Variants in P2RX5 observed in about 807,000 individuals in gnomAD.
P2RX5 encodes purinergic receptor P2X 5, also known as P2X purinoceptor 5.
In P2RX5, 46 loss-of-function variants were observed where a neutral mutation model predicts 54.1. The observed-to-expected ratio is 0.85, with a 90% confidence interval of 0.67 to 1.09. The LOEUF (loss-of-function observed/expected upper bound fraction) is 1.09, where lower values mean the gene tolerates loss of function less well. Among genes scored for constraint, P2RX5 ranks in the 50% least tolerant of loss-of-function variants. The pLI is 0.00. For synonymous variants in P2RX5, 226 were observed against 226.4 expected (o/e 1.00, Z 0.02); for missense variants, 566 against 549.8 (o/e 1.03, Z -0.29).
intron 1 of P2RX5, among the ~76,000 whole-genome samples, chr17:3,693,079 C>T (rs2050661999): frequency 2.1e-5 from 2 of 93,564 alleles, no homozygotes; most frequent in South Asian, 6.4e-4. Context: ...AATAAAAAGC[C>T]AAATAATCCA....
In P2RX5 at chr17:3,673,431, G is replaced by C. The variant is rs576132800; in HGVS notation, c.*437C>G. 1.2e-5 allele frequency: 13 copies of C among 1,078,336 alleles called. No homozygotes were observed. The African/African-American group carries it at 2.1e-4, about 18-fold the overall frequency. The allele number at this position is 1,078,336 out of a possible 1,614,324, so 66.8% of individuals were successfully genotyped here. On this transcript the variant is annotated 3_prime_UTR_variant, in exon 12 of 12. Coordinates refer to ENST00000225328, the MANE Select transcript of P2RX5 (RefSeq NM_002561.4). The stretch of plus-strand genomic sequence containing the variant: ...GAGAGTATGCTCTGAGGGAAGCTGC[G>C]GCACTTGCAGAGGGGAGTGGGCTGG...
At chr17:3,674,215 G>A (rs2050047936) in intron 11 of P2RX5, among the ~76,000 whole-genome samples, 1 of 152,178 alleles carries the variant, frequency 6.6e-6, no homozygotes, top group African/African-American at 2.4e-5. Flanking sequence ...GGAGGCTCAG[G>A]CAGGGGAATG....
At chr17:3,715,057 T>TA in the P2RX5 span, 1 of 635,548 alleles carries the variant, frequency 1.6e-6, no homozygotes. Flanking sequence ...TTCTCATACT[T>TA]ACTACTCCCT....
chr17:3,708,057 C>CAAA, the P2RX5 span, among the ~76,000 whole-genome samples: 22 of 65,134 alleles, frequency 3.4e-4, no homozygotes, highest in African/African-American at 5.2e-4. Context: ...GACTCCGTCT[C>CAAA]AAAAAAAAAA....
intron 9 of P2RX5, 172 bp from the exon 10 acceptor site, chr17:3,682,150 G>A: frequency 3.0e-6 from 2 of 660,830 alleles, no homozygotes; most frequent in Non-Finnish European, 5.5e-6. Context: ...ACACCACAGA[G>A]CTGGTCCATG....
chr17:3,691,101 G>A, intron 2 of P2RX5, 74 bp from the exon 3 acceptor site: 1 of 1,111,392 alleles, frequency 9.0e-7, no homozygotes, highest in African/African-American at 1.5e-5. Context: ...AGCGTTACCT[G>A]AAAGAGGGCG....
the P2RX5 span, among the ~76,000 whole-genome samples, chr17:3,721,335 A>T: frequency 5.3e-5 from 7 of 132,234 alleles, no homozygotes; most frequent in Non-Finnish European, 1.1e-4. Context: ...GGAGTGGCTC[A>T]ATCATAGCTC....
At chr17:3,676,064 T>C (rs1046431095) in intron 11 of P2RX5, 28 of 985,482 alleles carry the variant, frequency 2.8e-5, no homozygotes, top group Non-Finnish European at 3.1e-5. Flanking sequence ...CCAAAGAGGA[T>C]GCTTCCAGGG....
At chr17:3,690,207 C>A (rs561057169) in intron 5 of P2RX5, 57 bp from the exon 6 acceptor site, 9 of 1,499,146 alleles carry the variant, frequency 6.0e-6, no homozygotes, top group South Asian at 2.3e-5. Flanking sequence ...GCCCCTCCCC[C>A]AGGCCTGGGC....
At chr17:3,706,483 G>A in the P2RX5 span, among the ~76,000 whole-genome samples, 2 of 152,170 alleles carry the variant, frequency 1.3e-5, no homozygotes, top group African/African-American at 4.8e-5. Flanking sequence ...AAGACTCCAG[G>A]TCTGTGCTGA....
At chr17:3,677,160 G>C (rs2050123405) in intron 11 of P2RX5, 1 of 985,292 alleles carries the variant, frequency 1.0e-6, no homozygotes, top group Non-Finnish European at 1.2e-6. Context: ...AAGACAGGTG[G>C]GGACGGAGGG....
At chr17:3,681,775 C>A (rs1171565227) in intron 10 of P2RX5, 121 bp downstream of exon 10, 4 of 742,616 alleles carry the variant, frequency 5.4e-6, no homozygotes, top group Non-Finnish European at 9.8e-6. Flanking sequence ...TTCTCCTCCC[C>A]GGGCCCTCCA....
chr17:3,699,926 GAAA>G (rs2050806440), upstream of P2RX5, among the ~76,000 whole-genome samples: 10 of 65,506 alleles, frequency 1.5e-4, no homozygotes, highest in Non-Finnish European at 2.5e-4. Flanking sequence ...AGGAAAGAAA[GAAA>G]GAAAGAAAGA....
At chr17:3,690,764 C>G in intron 3 of P2RX5, 84 bp from the exon 4 acceptor site, 2 of 1,398,078 alleles carry the variant, frequency 1.4e-6, no homozygotes, top group Non-Finnish European at 2.0e-6. Flanking sequence ...AATAGGGGTT[C>G]TTCTTCGGCC....
At chr17:3,696,156 G>A (rs2050755186), upstream of P2RX5, 2 of 701,856 alleles carry the variant, frequency 2.8e-6, no homozygotes, top group African/African-American at 3.8e-5. Flanking sequence ...GCTGCGGGGC[G>A]CGGGGGCGGG....
chr17:3,685,656 CTCCCAGCCTG>C (rs2050432540), intron 9 of P2RX5: 1 of 108,112 alleles, frequency 9.2e-6, no homozygotes, highest in Non-Finnish European at 2.2e-5. Flanking sequence ...CAGCGTCCCC[CTCCCAGCCTG>C]AGAACAGGAG....
At position 3,690,434 on chromosome 17, in the gene P2RX5, T is replaced by G. The variant is rs2050579700; in HGVS notation, c.526A>C (p.Arg176=). The G allele has an allele frequency of 1.2e-6, 2 of 1,610,496 alleles. No individual in the cohort carries two copies. Among genetic ancestry groups the G allele is most frequent in the Non-Finnish European group, 1.7e-6 (2 of 1,178,518 alleles). The change falls in exon 5 of 12, where the codon AGG becomes CGG. Residue 176 remains arginine (R), a synonymous_variant. Transcript: ENST00000225328. Reference sequence around the variant, plus strand: ...GAGGCTGCAGCCACTCACTCCGGCCTGGAGCTTGTCTCCAACGGGCACCAG... The same window carrying G: ...GAGGCTGCAGCCACTCACTCCGGCCGGGAGCTTGTCTCCAACGGGCACCAG... The part of the protein sequence containing the change: ...FAWCPLETSS[R]PEEPFLKEAE...
chr17:3,692,290 C>G (rs1317234533), intron 1 of P2RX5, among the ~76,000 whole-genome samples: 1 of 151,986 alleles, frequency 6.6e-6, no homozygotes, highest in Non-Finnish European at 1.5e-5. Flanking sequence ...GCACTCCAGC[C>G]TGGGCGACAG....
chr17:3,713,251 C>T, the P2RX5 span, among the ~76,000 whole-genome samples: 4 of 152,080 alleles, frequency 2.6e-5, no homozygotes, highest in South Asian at 2.1e-4. Context: ...GTCCCAGCTA[C>T]GCAGGAGGCT....
Sources: allele counts gnomAD v4.1 joint callset (sites outside exome capture counted in the v4.1 genomes callset), GRCh38; gene constraint gnomAD v4.1.1; transcripts MANE v1.5; gene names NCBI Gene and HGNC (gene_info 2026-07-23, HGNC 2026-07-21).